The following NELL2 variants were observed in gnomAD, a reference collection of about 807,000 sequenced individuals.
NELL2 encodes protein kinase C-binding protein NELL2.
NELL2 carries 41 observed loss-of-function variants against 109.6 expected under a neutral mutation model. The ratio of observed to expected loss-of-function variants is 0.37; its 90% CI spans 0.29 to 0.49. NELL2 has a LOEUF of 0.49. Ranked by LOEUF, NELL2 falls within the 20% of genes least tolerant of loss-of-function variation. The pLI is 0.98. For missense variants in NELL2, 900 were observed against 1,008.3 expected, an observed-to-expected ratio of 0.89 and a Z score of 1.45; for synonymous variants, 355 against 344.7, an observed-to-expected ratio of 1.03 and a Z score of -0.33.
intron 2 of NELL2, among the ~76,000 whole-genome samples, chr12:44,852,138 C>T (rs1944552016): frequency 2.6e-5 from 4 of 152,112 alleles, no homozygotes; most frequent in Admixed American, 1.3e-4. Flanking sequence ...TCAATATCAA[C>T]AGTGGATTTG....
At chr12:44,597,302 T>A (rs912619011) in intron 15 of NELL2, among the ~76,000 whole-genome samples, 1 of 152,344 alleles carries the variant, frequency 6.6e-6, no homozygotes, top group African/African-American at 2.4e-5. Flanking sequence ...TGAAGATTTA[T>A]TCAACTACCC....
chr12:44,697,962 T>C (rs1399954046), intron 12 of NELL2, among the ~76,000 whole-genome samples: 1 of 152,208 alleles, frequency 6.6e-6, no homozygotes, highest in Non-Finnish European at 1.5e-5. Context: ...GCTCCTCACC[T>C]AGCTGCTGGT....
intron 1 of NELL2, among the ~76,000 whole-genome samples, chr12:44,884,670 C>T (rs1276514532): frequency 6.6e-6 from 1 of 151,806 alleles, no homozygotes; most frequent in Non-Finnish European, 1.5e-5. Flanking sequence ...TTATATCTGG[C>T]AATATATAGA....
At chr12:44,901,953 T>C (rs1945665554) in intron 1 of NELL2, among the ~76,000 whole-genome samples, 1 of 152,182 alleles carries the variant, frequency 6.6e-6, no homozygotes. Context: ...TTATACTGAA[T>C]GGGCAAAGGC....
At chr12:44,909,369 T>A (rs1479214987) in intron 1 of NELL2, among the ~76,000 whole-genome samples, 1 of 150,900 alleles carries the variant, frequency 6.6e-6, no homozygotes, top group Non-Finnish European at 1.5e-5. Context: ...GGAATAGATC[T>A]ACCCAAAGAG....
At chr12:44,671,197 G>A (rs1333610595) in intron 12 of NELL2, among the ~76,000 whole-genome samples, 2 of 152,064 alleles carry the variant, frequency 1.3e-5, no homozygotes, top group Non-Finnish European at 2.9e-5. Flanking sequence ...CAACCACTGG[G>A]CCAATATAGA....
chr12:44,666,563 T>C (rs998148024), intron 12 of NELL2, among the ~76,000 whole-genome samples: 11 of 152,190 alleles, frequency 7.2e-5, no homozygotes, highest in African/African-American at 2.7e-4. Context: ...GGCCATGTCA[T>C]TTGTGTAAGC....
At chr12:44,687,291 C>G (rs1452698243) in intron 12 of NELL2, among the ~76,000 whole-genome samples, 1 of 152,192 alleles carries the variant, frequency 6.6e-6, no homozygotes, top group Non-Finnish European at 1.5e-5. Flanking sequence ...ACCCACTGAC[C>G]TGCGCCCACT....
At chr12:44,753,198 T>G (rs1025317557) in intron 9 of NELL2, among the ~76,000 whole-genome samples, 11 of 152,148 alleles carry the variant, frequency 7.2e-5, no homozygotes, top group African/African-American at 2.7e-4. Flanking sequence ...ATCATGCCCC[T>G]ACCTTATCCT....
chr12:44,771,139 G>A (rs999081005), intron 9 of NELL2, among the ~76,000 whole-genome samples: 1 of 151,892 alleles, frequency 6.6e-6, no homozygotes, highest in African/African-American at 2.4e-5. Flanking sequence ...TTGAATATGT[G>A]TCACTAAATG....
intron 2 of NELL2, among the ~76,000 whole-genome samples, chr12:44,826,312 T>C (rs1182430566): frequency 6.6e-6 from 1 of 152,172 alleles, no homozygotes; most frequent in Non-Finnish European, 1.5e-5. Context: ...ATGGTTGACT[T>C]AAAATATTTC....
chr12:44,658,748 C>T (rs527708659), intron 13 of NELL2, among the ~76,000 whole-genome samples: 77 of 151,508 alleles, frequency 5.1e-4, no homozygotes, highest in South Asian at 1.7e-3. Flanking sequence ...AGGTGGCAGG[C>T]GCCTGTAGTT....
At chr12:44,764,681 A>C (rs1797511993) in intron 9 of NELL2, among the ~76,000 whole-genome samples, 1 of 152,220 alleles carries the variant, frequency 6.6e-6, no homozygotes, top group Non-Finnish European at 1.5e-5. Flanking sequence ...TAGCTGGCTT[A>C]TCTCAGGCAA....
In NELL2 at chr12:44,582,173, G is replaced by A. The variant is rs371906289; in HGVS notation, c.1663+24996C>T. On this transcript the variant is annotated intron_variant, in intron 15 of 19. Coordinates refer to ENST00000429094, the MANE Select transcript of NELL2 (RefSeq NM_001145108.2). ...AGTTAAAACTTGATGAGACAGAAAT[G>A]GGCATGAAGTAGTTATTCTGAAGAG... is the stretch of plus-strand genomic sequence containing the variant. Among the ~76,000 whole-genome samples the A allele has an allele frequency of 3.3e-5, 5 of 152,270 alleles. No individual in the cohort carries two copies. The South Asian group carries it at 6.2e-4, about 19-fold the overall frequency.
chr12:44,703,792 C>A lies in NELL2; in HGVS notation c.1252G>T (p.Asp418Tyr). ...TCTCGACAGCTACAAACAGCCCTGT[C>A]ATTCAGATTTCTGCAGATGGAATTC... ...MENSICRNLNDRAVCSCRDGF... is the reference protein window; with the variant it reads ...MENSICRNLNYRAVCSCRDGF... Residue 418 changes from aspartate (D) to tyrosine (Y), a missense_variant, in exon 12 of 20, where the codon GAC (aspartate) becomes TAC (tyrosine). Transcript: ENST00000429094. The A allele has an allele frequency of 6.2e-7, 1 of 1,613,450 alleles. No homozygotes were observed. Among genetic ancestry groups the A allele is most frequent in the South Asian group, 1.1e-5 (1 of 91,068 alleles).
intron 15 of NELL2, among the ~76,000 whole-genome samples, chr12:44,551,746 A>G (rs1396653561): frequency 6.6e-6 from 1 of 152,188 alleles, no homozygotes; most frequent in Admixed American, 6.5e-5. Context: ...TATCTGGAAG[A>G]CAATTCTAAG....
intron 9 of NELL2, among the ~76,000 whole-genome samples, chr12:44,716,760 A>T (rs1016113979): frequency 2.6e-5 from 4 of 152,158 alleles, no homozygotes; most frequent in African/African-American, 9.7e-5. Context: ...AGCCTATTCA[A>T]GTCCAAGCGT....
At chr12:44,826,426 T>C (rs1943713784) in intron 2 of NELL2, among the ~76,000 whole-genome samples, 1 of 152,238 alleles carries the variant, frequency 6.6e-6, no homozygotes, top group Non-Finnish European at 1.5e-5. Context: ...TTATGATAGT[T>C]ACTCTCCATT....
intron 1 of NELL2, among the ~76,000 whole-genome samples, chr12:44,897,320 T>TC (rs1254512442): frequency 1.3e-5 from 2 of 151,974 alleles, no homozygotes; most frequent in African/African-American, 4.8e-5. Context: ...TATCTTGGAC[T>TC]CCCCCGTAAG....
Sources: gnomAD v4.1 joint callset for allele counts (sites outside exome capture counted in the v4.1 genomes callset) on GRCh38, gnomAD v4.1.1 for gene constraint, MANE v1.5 for transcripts, NCBI Gene and HGNC (gene_info 2026-07-23, HGNC 2026-07-21) for gene names.